Variants in COL22A1 observed in about 807,000 individuals in gnomAD.
COL22A1 encodes collagen alpha-1(XXII) chain.
Under a neutral mutation model 248.9 loss-of-function variants are expected in COL22A1, and 221 were observed. The ratio of observed to expected loss-of-function variants is 0.89; its 90% CI spans 0.80 to 0.99. The LOEUF (loss-of-function observed/expected upper bound fraction) is 0.99, where lower values mean the gene tolerates loss of function less well. Among genes scored for constraint, COL22A1 ranks in the 50% least tolerant of loss-of-function variants. The pLI is 0.00. For missense variants in COL22A1, 2,240 were observed against 2,179.0 expected, an observed-to-expected ratio of 1.03 and a Z score of -0.56; for synonymous variants, 891 against 793.4, an observed-to-expected ratio of 1.12 and a Z score of -2.07.
At chr8:138,615,682 GAGA>G (rs893369769) in intron 55 of COL22A1, among the ~76,000 whole-genome samples, 4 of 152,118 alleles carry the variant, frequency 2.6e-5, no homozygotes, top group Non-Finnish European at 5.9e-5. Flanking sequence ...CAGAGCCTGA[GAGA>G]AGGAGAAATA....
At chr8:138,670,430 G>A (rs1824917269) in intron 41 of COL22A1, among the ~76,000 whole-genome samples, 2 of 152,114 alleles carry the variant, frequency 1.3e-5, no homozygotes, top group Non-Finnish European at 2.9e-5. Flanking sequence ...CGGGAGCTGG[G>A]GCCTGGGGTA....
At chr8:138,901,407 C>G (rs1001829507) in intron 1 of COL22A1, among the ~76,000 whole-genome samples, 14 of 135,316 alleles carry the variant, frequency 1.0e-4, no homozygotes, top group African/African-American at 3.4e-4. Flanking sequence ...CACTCTATCC[C>G]CTAGGCTGGA....
chr8:138,666,524 T>A (rs896470770), intron 41 of COL22A1, among the ~76,000 whole-genome samples: 11 of 152,236 alleles, frequency 7.2e-5, no homozygotes, highest in Non-Finnish European at 1.6e-4. Flanking sequence ...AACTCTGGTC[T>A]CTTTGACTCA....
At chr8:138,760,480 C>T (rs1169920891) in intron 17 of COL22A1, among the ~76,000 whole-genome samples, 193 bp from the exon 18 acceptor site, 1 of 152,194 alleles carries the variant, frequency 6.6e-6, no homozygotes, top group Admixed American at 6.5e-5. Flanking sequence ...CCTAAGCTCC[C>T]TATCTCCATG....
rs764417455 is a variant in COL22A1, at chr8:138,655,937, G to T, written c.3293C>A (p.Ser1098Tyr). 3 of 1,611,746 alleles carry T rather than the reference G, an allele frequency of 1.9e-6. No individual in the cohort carries two copies. Among genetic ancestry groups the T allele is most frequent in the Non-Finnish European group, 2.5e-6 (3 of 1,178,060 alleles). Residue 1098 changes from serine (S) to tyrosine (Y), a missense_variant, in exon 45 of 65, where the codon TCT becomes TAT. By Grantham distance (144) the Ser-to-Tyr change is moderately radical. Coordinates refer to ENST00000303045, the MANE Select transcript of COL22A1 (RefSeq NM_152888.3). The part of the protein sequence containing the change: ...ERGPPGKPGL[S>Y]SLLSPGDINL... ...TATGTCCCCTGGAGACAGTAGTGAA[G>T]AGAGGCCCTGTCAAAATAAAAAGAA...
intron 50 of COL22A1, among the ~76,000 whole-genome samples, chr8:138,627,021 C>A (rs566375776): frequency 6.6e-6 from 1 of 152,244 alleles, no homozygotes; most frequent in African/African-American, 2.4e-5. Context: ...GACACAGGTG[C>A]CAGGTTTTAC....
chr8:138,785,965 C>T lies in COL22A1; in HGVS notation c.1597-4985G>A, dbSNP rs574301552. On this transcript the variant is annotated intron_variant, in intron 12 of 64. Coordinates refer to ENST00000303045, the MANE Select transcript of COL22A1 (RefSeq NM_152888.3). ...TAAGCCCCAGAGACAAGGTGAACAG[C>T]GGGTGTGGTAGAGAGGTAATGGTCC... Among the ~76,000 whole-genome samples, 169 of 152,214 alleles carry T rather than the reference C, an allele frequency of 1.1e-3. 1 individual carries two copies. In the South Asian group the frequency reaches 0.015, roughly 14 times the overall value.
chr8:138,774,580 G>A (rs923055814), intron 16 of COL22A1, among the ~76,000 whole-genome samples: 21 of 152,050 alleles, frequency 1.4e-4, no homozygotes, highest in East Asian at 5.8e-4. Context: ...CACCAAGCCC[G>A]GCTAATTTTT....
intron 56 of COL22A1, among the ~76,000 whole-genome samples, chr8:138,608,607 T>C (rs1414184958): frequency 6.6e-6 from 1 of 152,182 alleles, no homozygotes; most frequent in Non-Finnish European, 1.5e-5. Flanking sequence ...CAGAGATATA[T>C]TGTGCACATT....
chr8:138,765,827 G>T (rs190021859), intron 16 of COL22A1, among the ~76,000 whole-genome samples: 30 of 152,334 alleles, frequency 2.0e-4, no homozygotes, highest in African/African-American at 6.7e-4. Flanking sequence ...AGGGAGAGCC[G>T]GCTGCACAGC....
chr8:138,831,858 C>T (rs1304726949), intron 5 of COL22A1, among the ~76,000 whole-genome samples: 1 of 152,108 alleles, frequency 6.6e-6, no homozygotes, highest in Non-Finnish European at 1.5e-5. Flanking sequence ...GGCGTGTGAA[C>T]CAGAGCAACT....
rs186651219 is a variant in COL22A1 at position 138,682,945 on chromosome 8, C to T, written c.3012+1480G>A. On this transcript the variant is annotated intron_variant, in intron 39 of 64. Transcript: ENST00000303045. ...TGAACTCCTGGCCTCATGATCCACC[C>T]GCCTTGGCCTCCCAAAGTGCTGGGA... Among the ~76,000 whole-genome samples the T allele has an allele frequency of 2.4e-4, 37 of 152,278 alleles. No homozygotes were observed. The East Asian group carries it at 6.4e-3, about 26-fold the overall frequency.
chr8:138,756,359 GC>G (rs1563719081), intron 18 of COL22A1, among the ~76,000 whole-genome samples: 1 of 152,050 alleles, frequency 6.6e-6, no homozygotes, highest in East Asian at 1.9e-4. Context: ...TTTGTCTCCT[GC>G]CTCCTCCTCC....
chr8:138,612,753 C>T (rs1818966469), intron 56 of COL22A1, among the ~76,000 whole-genome samples: 2 of 151,494 alleles, frequency 1.3e-5, no homozygotes, highest in African/African-American at 4.9e-5. Context: ...GTGGCAAAAC[C>T]CCATCTCTAC....
At chr8:138,882,694 A>T (rs1824322936) in intron 2 of COL22A1, among the ~76,000 whole-genome samples, 1 of 148,166 alleles carries the variant, frequency 6.7e-6, no homozygotes, top group South Asian at 2.2e-4. Context: ...ACTCCCACAC[A>T]CTTTGTCAAA....
intron 32 of COL22A1, among the ~76,000 whole-genome samples, chr8:138,699,480 T>C (rs1262245048): frequency 2.6e-5 from 4 of 152,232 alleles, no homozygotes; most frequent in Admixed American, 2.6e-4. Context: ...TTTTCTGGCT[T>C]CAGCCTACAG....
intron 35 of COL22A1, 27 bp from the exon 36 acceptor site, chr8:138,690,901 G>C (rs779012638): frequency 1.3e-6 from 2 of 1,591,724 alleles, no homozygotes; most frequent in African/African-American, 2.7e-5. Context: ...GTTTAGAAAG[G>C]CCAAACGCAT....
At chr8:138,836,310 G>T (rs1242652023) in intron 4 of COL22A1, among the ~76,000 whole-genome samples, 1 of 151,898 alleles carries the variant, frequency 6.6e-6, no homozygotes, top group South Asian at 2.1e-4. Flanking sequence ...AAAGGGAAAG[G>T]GAAAAGGAAA....
chr8:138,896,967 T>C (rs925176711), intron 1 of COL22A1, among the ~76,000 whole-genome samples: 16 of 98,326 alleles, frequency 1.6e-4, no homozygotes, highest in Non-Finnish European at 7.6e-5. Flanking sequence ...AGAGAGACTC[T>C]TTCTCAAAAA....
Sources: allele counts gnomAD v4.1 joint callset (sites outside exome capture counted in the v4.1 genomes callset), GRCh38; gene constraint gnomAD v4.1.1; transcripts MANE v1.5; gene names NCBI Gene and HGNC (gene_info 2026-07-23, HGNC 2026-07-21).